ARHGAP22: variants seen among roughly 807,000 people sequenced by gnomAD.
ARHGAP22 encodes the protein Rho GTPase activating protein 22.
Under a neutral mutation model 59.1 loss-of-function variants are expected in ARHGAP22, and 48 were observed. The ratio of observed to expected loss-of-function variants is 0.81; its 90% confidence interval spans 0.64 to 1.03. ARHGAP22 has a LOEUF of 1.03. Ranked by LOEUF, ARHGAP22 falls within the 50% of genes least tolerant of loss-of-function variation. ARHGAP22 has a pLI of 0.00. For synonymous variants in ARHGAP22, 445 were observed against 416.4 expected (o/e 1.07, Z -0.84); for missense variants, 1,015 against 958.7 (o/e 1.06, Z -0.78).
At chr10:48,470,901 C>CGTAG (rs892758728) in intron 4 of ARHGAP22, among the ~76,000 whole-genome samples, 3 of 152,214 alleles carry the variant, frequency 2.0e-5, no homozygotes, top group Non-Finnish European at 4.4e-5. Flanking sequence ...TTGGGCTCTA[C>CGTAG]CACTGGCAGC....
chr10:48,647,585 GTA>G (rs57000482), intron 1 of ARHGAP22, among the ~76,000 whole-genome samples: 59,448 of 151,894 alleles, frequency 0.39, 13,700 homozygotes, highest in East Asian at 0.61. Context: ...GGACCCTTAT[GTA>G]TGAGGTGGGA....
chr10:48,448,628 A>G (rs2045595011), intron 9 of ARHGAP22, among the ~76,000 whole-genome samples: 1 of 125,110 alleles, frequency 8.0e-6, no homozygotes, highest in Non-Finnish European at 1.6e-5. Flanking sequence ...ATACTTCCAG[A>G]GAACAGGACA....
chr10:48,470,284 A>G (rs2048111538), intron 4 of ARHGAP22, among the ~76,000 whole-genome samples: 1 of 152,230 alleles, frequency 6.6e-6, no homozygotes, highest in Non-Finnish European at 1.5e-5. Context: ...CTTTGCAGGA[A>G]GCAGTAGTGA....
chr10:48,573,875 G>A (rs573287502), intron 2 of ARHGAP22, among the ~76,000 whole-genome samples: 1 of 152,160 alleles, frequency 6.6e-6, no homozygotes, highest in East Asian at 1.9e-4. Context: ...AAATATTATG[G>A]TTTTTTCCAT....
At chr10:48,580,958 C>T (rs1434040357) in intron 2 of ARHGAP22, among the ~76,000 whole-genome samples, 3 of 151,540 alleles carry the variant, frequency 2.0e-5, no homozygotes, top group African/African-American at 7.3e-5. Flanking sequence ...AATGGACTCC[C>T]CATTGTAAAC....
intron 1 of ARHGAP22, among the ~76,000 whole-genome samples, chr10:48,627,063 G>A (rs781018995): frequency 1.3e-5 from 2 of 152,230 alleles, no homozygotes; most frequent in Non-Finnish European, 2.9e-5. Flanking sequence ...GAGCTTCCGG[G>A]TTGGTGAACA....
chr10:48,543,876 C>T (rs373525070), intron 3 of ARHGAP22, among the ~76,000 whole-genome samples: 147 of 152,132 alleles, frequency 9.7e-4, no homozygotes, highest in African/African-American at 3.4e-3. Flanking sequence ...AATCCCAGCA[C>T]TTTGAGAGGC....
upstream of ARHGAP22, among the ~76,000 whole-genome samples, chr10:48,609,049 T>A (rs1407922865): frequency 6.6e-6 from 1 of 152,114 alleles, no homozygotes. Flanking sequence ...GTTGTGGGAG[T>A]ATTTACACCA....
chr10:48,554,148 A>C (rs2057121849), intron 3 of ARHGAP22, among the ~76,000 whole-genome samples: 1 of 152,244 alleles, frequency 6.6e-6, no homozygotes, highest in African/African-American at 2.4e-5. Context: ...AACCATAGGT[A>C]CTTGAATTTT....
chr10:48,520,449 C>T (rs2053696872), intron 3 of ARHGAP22, among the ~76,000 whole-genome samples: 1 of 152,112 alleles, frequency 6.6e-6, no homozygotes, highest in African/African-American at 2.4e-5. Flanking sequence ...GTCATCTGGT[C>T]CAGTGCAGAT....
At chr10:48,486,333 T>TTCA (rs1554870585) in intron 3 of ARHGAP22, among the ~76,000 whole-genome samples, 1 of 151,078 alleles carries the variant, frequency 6.6e-6, no homozygotes, top group African/African-American at 2.4e-5. Flanking sequence ...ATTTTATTAT[T>TTCA]TTATTATTAT....
intron 5 of ARHGAP22, among the ~76,000 whole-genome samples, chr10:48,456,262 CT>C (rs1256424593): frequency 6.6e-6 from 1 of 152,186 alleles, no homozygotes; most frequent in Non-Finnish European, 1.5e-5. Flanking sequence ...GAATCCCAGG[CT>C]AGGCTCACTG....
At chr10:48,597,886 G>A (rs2060160903) in intron 1 of ARHGAP22, among the ~76,000 whole-genome samples, 1 of 152,248 alleles carries the variant, frequency 6.6e-6, no homozygotes, top group African/African-American at 2.4e-5. Context: ...GGGCTGGTGA[G>A]GATTTCAGCA....
At chr10:48,455,894 C>T (rs1190405795) in intron 5 of ARHGAP22, among the ~76,000 whole-genome samples, 1 of 152,182 alleles carries the variant, frequency 6.6e-6, no homozygotes, top group Non-Finnish European at 1.5e-5. Flanking sequence ...ACAGTGGTGA[C>T]ACCTAGGCTT....
intron 1 of ARHGAP22, among the ~76,000 whole-genome samples, chr10:48,594,781 G>T (rs1025900270): frequency 6.6e-6 from 1 of 152,086 alleles, no homozygotes; most frequent in African/African-American, 2.4e-5. Flanking sequence ...AGGTACAGGG[G>T]TGTACTTCAC....
chr10:48,627,156 C>T (rs1172095849), intron 1 of ARHGAP22, among the ~76,000 whole-genome samples: 1 of 152,182 alleles, frequency 6.6e-6, no homozygotes, highest in Non-Finnish European at 1.5e-5. Flanking sequence ...CTACGCATTT[C>T]CTGCAGCAGG....
chr10:48,530,171 A>G (rs1363008875), intron 3 of ARHGAP22, among the ~76,000 whole-genome samples: 2 of 131,324 alleles, frequency 1.5e-5, no homozygotes, highest in Non-Finnish European at 3.1e-5. Flanking sequence ...CAGGAGGCGG[A>G]GGTTTCAGTG....
chr10:48,483,856 C>T (rs374892849), intron 3 of ARHGAP22, among the ~76,000 whole-genome samples: 12 of 49,808 alleles, frequency 2.4e-4, no homozygotes, highest in Admixed American at 1.6e-3. Flanking sequence ...GTTTCCTTTG[C>T]TGTGCAGAAG....
chr10:48,605,212 T>G, upstream of ARHGAP22: 3 of 985,694 alleles, frequency 3.0e-6, no homozygotes, highest in Non-Finnish European at 3.7e-6. Context: ...GAGAGGGTAC[T>G]GGGGTTCCGG....
Sources: gnomAD v4.1 joint callset for allele counts (sites outside exome capture counted in the v4.1 genomes callset) on GRCh38, gnomAD v4.1.1 for gene constraint, MANE v1.5 for transcripts, NCBI Gene and HGNC (gene_info 2026-07-23, HGNC 2026-07-21) for gene names.